JAG2: variants seen among roughly 807,000 people sequenced by gnomAD.
JAG2 encodes the protein protein jagged-2.
Under a neutral mutation model 141.7 loss-of-function variants are expected in JAG2, and 46 were observed. The ratio of observed to expected loss-of-function variants is 0.32; its 90% CI spans 0.26 to 0.42. The LOEUF is 0.42. Among genes scored for constraint, JAG2 ranks in the 10% least tolerant of loss-of-function variants. The pLI, the probability that JAG2 is intolerant of heterozygous loss-of-function variation, is 1.00. For synonymous variants in JAG2, 862 were observed against 763.5 expected, an observed-to-expected ratio of 1.13 and a Z score of -2.13; for missense variants, 1,500 against 1,817.5, an observed-to-expected ratio of 0.83 and a Z score of 3.18.
At position 105,148,381 on chromosome 14, in the gene JAG2, G is replaced by A. The variant is rs1172287566; in HGVS notation, c.2079C>T (p.Val693=). The A allele has an allele frequency of 3.1e-6, 5 of 1,612,264 alleles. No homozygotes were observed. The South Asian group carries it at 5.5e-5, about 18-fold the overall frequency. The stretch of plus-strand genomic sequence containing the variant: ...CGTCGCACGCACAGTAGAAGTCATT[G>A]ACCAGGTCGTAGCAGCGGCCGCGGC... ...CHSRGRCYDL[V]NDFYCACDDG... is the part of the protein sequence containing the mutation. The change falls in exon 16 of 26, where the codon GTC becomes GTT. Residue 693 remains valine (V), a synonymous_variant. Coordinates refer to ENST00000331782, the MANE Select transcript of JAG2 (RefSeq NM_002226.5).
chr14:105,150,171 G>A (rs1021483409), intron 12 of JAG2, among the ~76,000 whole-genome samples: 6 of 151,344 alleles, frequency 4.0e-5, no homozygotes, highest in Non-Finnish European at 7.4e-5. Flanking sequence ...ATGGTCAGAG[G>A]GAGGCGAGAG....
At chr14:105,163,730 C>T (rs80203586) in intron 2 of JAG2, among the ~76,000 whole-genome samples, 2,117 of 151,376 alleles carry the variant, frequency 0.014, 50 homozygotes, top group African/African-American at 0.049. Flanking sequence ...GGTCTGCAGA[C>T]AGGGACCCTG....
intron 2 of JAG2, among the ~76,000 whole-genome samples, chr14:105,162,719 GGCACCCTAGA>G (rs1888790442): frequency 4.1e-5 from 6 of 145,392 alleles, no homozygotes; most frequent in East Asian, 2.0e-4. Context: ...TCCTGCCCAG[GGCACCCTAGA>G]TCCAGTACAC....
rs367844673 is a variant in JAG2, at chr14:105,142,871, C to G, written c.3541G>C (p.Glu1181Gln). 3 of 1,606,484 alleles carry G rather than the reference C, an allele frequency of 1.9e-6. No homozygotes were observed. The highest frequency in any genetic ancestry group is 2.2e-5 in the South Asian group (2 of 90,098). ...HAAVREDEED[E>Q]DLGRGEEDSL... ...TCCTCCTCACCGCGGCCCAGATCCTCGTCCTCCTCATCCTCCCTGACGGCC... is the reference window on the plus strand; with the variant it reads ...TCCTCCTCACCGCGGCCCAGATCCTGGTCCTCCTCATCCTCCCTGACGGCC... Residue 1181 changes from glutamate to glutamine, a missense_variant, in exon 26 of 26, where the codon GAG (glutamate) becomes CAG (glutamine). By Grantham distance (29) the Glu-to-Gln change is conservative. Transcript: ENST00000331782.
intron 2 of JAG2, among the ~76,000 whole-genome samples, chr14:105,160,586 G>A (rs587610798): frequency 1.3e-5 from 2 of 151,946 alleles, no homozygotes; most frequent in African/African-American, 4.8e-5. Flanking sequence ...AGGCCAACGG[G>A]TCACAGTGGC....
intron 17 of JAG2, 97 bp from the exon 18 acceptor site, chr14:105,147,985 C>CGGGGGCA (rs955906284): frequency 1.1e-4 from 125 of 1,189,424 alleles, no homozygotes; most frequent in Admixed American, 5.4e-4. Flanking sequence ...CAGACAGACC[C>CGGGGGCA]GGGGGCAGGG....
At chr14:105,161,672 T>A (rs115507014) in intron 2 of JAG2, among the ~76,000 whole-genome samples, 1 of 152,066 alleles carries the variant, frequency 6.6e-6, no homozygotes, top group East Asian at 1.9e-4. Flanking sequence ...ACCTGCCAGC[T>A]CTCCCAGCTC....
In JAG2 at chr14:105,148,359, C is replaced by G. The variant is rs192887377; in HGVS notation, c.2101G>C (p.Asp701His). ...DLVNDFYCAC[D>H]DGWKGKTCHS... Reference sequence around the variant, plus strand: ...CAGGTCTTGCCCTTCCAGCCGTCGTCGCACGCACAGTAGAAGTCATTGACC... The same window carrying G: ...CAGGTCTTGCCCTTCCAGCCGTCGTGGCACGCACAGTAGAAGTCATTGACC... The change falls in exon 16 of 26, where the codon GAC (aspartate) becomes CAC (histidine). Residue 701 changes from aspartate (D) to histidine (H), a missense_variant. Asp to His is a moderately conservative substitution (Grantham distance 81). Around this residue, in one of 3 missense-constraint regions of JAG2, gnomAD observed 875 missense variants for 1,202.2 expected, o/e 0.73. Transcript: ENST00000331782. 14 of 1,611,632 alleles carry G rather than the reference C, an allele frequency of 8.7e-6. No individual in the cohort carries two copies. The highest frequency in any genetic ancestry group is 1.2e-5 in the Non-Finnish European group (14 of 1,179,334).
In JAG2 at chr14:105,151,999, G is replaced by A. The variant is rs763521514; in HGVS notation, c.978C>T (p.Ala326=). ...PCTNGGTCIN[A]EPDQYRCTCP... The stretch of plus-strand genomic sequence containing the variant: ...AGGTGCAGCGGTACTGGTCAGGCTC[G>A]GCGTTGATGCACGTGCCTCCGTTGG... The change falls in exon 7 of 26, where the codon GCC becomes GCT. Residue 326 remains alanine (A), a synonymous_variant. Transcript: ENST00000331782. 16 of 1,613,244 alleles carry A rather than the reference G, an allele frequency of 9.9e-6. No individual in the cohort carries two copies. Among genetic ancestry groups the A allele is most frequent in the East Asian group, 8.9e-5 (4 of 44,892 alleles).
In JAG2 at chr14:105,142,932, C is replaced by G; in HGVS notation, c.3480G>C (p.Arg1160Ser). 6.2e-7 allele frequency: 1 copy of G among 1,608,838 alleles called. No individual in the cohort carries two copies. The highest frequency in any genetic ancestry group is 8.5e-7 in the Non-Finnish European group (1 of 1,177,848). The change falls in exon 26 of 26, where the codon AGG becomes AGC. Residue 1160 changes from arginine (R) to serine (S), a missense_variant. By Grantham distance (110) the Arg-to-Ser change is moderately radical. This residue lies in a region of JAG2 where 425 missense variants were observed against 441.0 expected (regional missense o/e 0.96). Coordinates refer to ENST00000331782, the MANE Select transcript of JAG2 (RefSeq NM_002226.5). ...QCKNFTPPPR[R>S]ADEALPGPAG... The stretch of plus-strand genomic sequence containing the variant: ...CCGGCCCGGGCAGCGCCTCGTCCGC[C>G]CTGCGCGGCGGCGGCGTGAAGTTCT...
intron 10 of JAG2, 30 bp from the exon 11 acceptor site, chr14:105,150,941 G>C (rs756678131): frequency 6.3e-7 from 1 of 1,594,426 alleles, no homozygotes; most frequent in Non-Finnish European, 8.5e-7. Flanking sequence ...GTCAGAGGCG[G>C]GGTCCCATGT....
intron 2 of JAG2, among the ~76,000 whole-genome samples, chr14:105,161,997 C>T (rs1227048300): frequency 1.3e-5 from 2 of 152,146 alleles, no homozygotes; most frequent in East Asian, 1.9e-4. Context: ...CTGGATTGGG[C>T]GGGGGTTGGC....
chr14:105,145,789 T>C lies in JAG2; in HGVS notation c.2894A>G (p.His965Arg). ...GAGGCGGGCACAGTTATTGTCCAGGTGGCCGGAGCGTGGCAGGCAGGGGGT... is the reference window on the plus strand; with the variant it reads ...GAGGCGGGCACAGTTATTGTCCAGGCGGCCGGAGCGTGGCAGGCAGGGGGT... ...PSTPCLPRSG[H>R]LDNNCARLTL... Residue 965 changes from histidine to arginine, a missense_variant, in exon 23 of 26, where the codon CAC becomes CGC. By Grantham distance (29) the His-to-Arg change is conservative. Coordinates refer to ENST00000331782, the MANE Select transcript of JAG2 (RefSeq NM_002226.5). 2.5e-6 allele frequency: 4 copies of C among 1,577,172 alleles called. No individual in the cohort carries two copies. The highest frequency in any genetic ancestry group is 3.4e-6 in the Non-Finnish European group (4 of 1,162,076).
chr14:105,155,803 T>A lies in JAG2; in HGVS notation c.662A>T (p.Tyr221Phe). 6.2e-7 allele frequency: 1 copy of A among 1,612,896 alleles called. No homozygotes were observed. Reference sequence around the variant, plus strand: ...CTTGTTGCCGTACTGGTCGCAGGTGTAGTGGCCGAAAAAGTCGTTGCGGGG... The same window carrying A: ...CTTGTTGCCGTACTGGTCGCAGGTGAAGTGGCCGAAAAAGTCGTTGCGGGG... ...CRPRNDFFGH[Y>F]TCDQYGNKAC... is the part of the protein sequence containing the mutation. The change falls in exon 4 of 26, where the codon TAC becomes TTC. Residue 221 changes from tyrosine (Y) to phenylalanine (F), a missense_variant. Around this residue, in one of 3 missense-constraint regions of JAG2, gnomAD observed 875 missense variants for 1,202.2 expected, o/e 0.73. Coordinates refer to ENST00000331782, the MANE Select transcript of JAG2 (RefSeq NM_002226.5).
In JAG2 at chr14:105,147,068, T is replaced by C. The variant is rs1039006951; in HGVS notation, c.2479+258A>G. ...GGCCACAGAGGAGCCCACGTCAGGC[T>C]GCACGCTCCAACCCCCACAGCTCCC... On this transcript the variant is annotated intron_variant, in intron 20 of 25. Transcript: ENST00000331782. 1.5e-5 allele frequency: 9 copies of C among 605,258 alleles called. No individual in the cohort carries two copies. In the South Asian group the frequency reaches 1.8e-4, roughly 12 times the overall value. The allele number at this position is 605,258 out of a possible 1,614,324, so 37.5% of individuals were successfully genotyped here.
At position 105,143,474 on chromosome 14, in the gene JAG2, G is replaced by T. The variant is rs771962777; in HGVS notation, c.3241+8C>A. 2 of 1,546,532 alleles carry T rather than the reference G, an allele frequency of 1.3e-6. No homozygotes were observed. Among genetic ancestry groups the T allele is most frequent in the African/African-American group, 1.4e-5 (1 of 73,328 alleles). On this transcript the variant is annotated splice_region_variant and intron_variant, in intron 25 of 25. Coordinates refer to ENST00000331782, the MANE Select transcript of JAG2 (RefSeq NM_002226.5). ...GTGCCTTCCCAGGGGCCCACCTCCC[G>T]CGCTTACCTGTGGAAGAGCCGCCCG...
intron 2 of JAG2, among the ~76,000 whole-genome samples, chr14:105,160,605 G>C (rs763579377): frequency 6.6e-6 from 1 of 151,972 alleles, no homozygotes; most frequent in Non-Finnish European, 1.5e-5. Context: ...GCTCACGCCT[G>C]TAATCCCAAC....
intron 2 of JAG2, among the ~76,000 whole-genome samples, chr14:105,163,021 A>G: frequency 6.6e-6 from 1 of 151,660 alleles, no homozygotes; most frequent in Non-Finnish European, 1.5e-5. Flanking sequence ...CGGCCCCCCC[A>G]GGTCCAGGGC....
rs587645895 is a variant in JAG2 at position 105,144,826 on chromosome 14, C to T, written c.3084+104G>A. 18 of 1,433,534 alleles carry T rather than the reference C, an allele frequency of 1.3e-5. No homozygotes were observed. In the Middle Eastern group the frequency reaches 5.4e-4, roughly 43 times the overall value. The allele number at this position is 1,433,534 out of a possible 1,614,324, so 88.8% of individuals were successfully genotyped here. On this transcript the variant is annotated intron_variant, in intron 24 of 25. Coordinates refer to ENST00000331782, the MANE Select transcript of JAG2 (RefSeq NM_002226.5). Reference sequence around the variant, plus strand: ...GAGACAGGCCTGCCCGCAGTCCTTCCGCACCAGGACTAGCCTCGCCAGAGC... The same window carrying T: ...GAGACAGGCCTGCCCGCAGTCCTTCTGCACCAGGACTAGCCTCGCCAGAGC...
Sources: gnomAD v4.1 joint callset for allele counts (sites outside exome capture counted in the v4.1 genomes callset) on GRCh38, gnomAD v4.1.1 for gene constraint, gnomAD v4.1.1 regional missense constraint, MANE v1.5 for transcripts, NCBI Gene and HGNC (gene_info 2026-07-23, HGNC 2026-07-21) for gene names.